Variants in DPYD observed in about 807,000 individuals in gnomAD.
DPYD encodes dihydropyrimidine dehydrogenase [NADP(+)].
In DPYD, 109 loss-of-function variants were observed where a neutral mutation model predicts 116.2. The ratio of observed to expected loss-of-function variants is 0.94; its 90% CI spans 0.80 to 1.10. The LOEUF (loss-of-function observed/expected upper bound fraction) is 1.10. Ranked by LOEUF, DPYD falls within the 50% of genes least tolerant of loss-of-function variation. The pLI, the probability that DPYD is intolerant of heterozygous loss-of-function variation, is 0.00. For synonymous variants in DPYD, 440 were observed against 432.0 expected (o/e 1.02, Z -0.23); for missense variants, 1,302 against 1,254.5 (o/e 1.04, Z -0.57).
At chr1:97,828,496 C>A (rs1305157503) in intron 2 of DPYD, among the ~76,000 whole-genome samples, 1 of 152,078 alleles carries the variant, frequency 6.6e-6, no homozygotes, top group African/African-American at 2.4e-5. Flanking sequence ...AGGAAAACTT[C>A]TTAAGTTTGG....
At chr1:97,414,019 C>G (rs1456882144) in intron 14 of DPYD, among the ~76,000 whole-genome samples, 1 of 152,044 alleles carries the variant, frequency 6.6e-6, no homozygotes, top group Non-Finnish European at 1.5e-5. Flanking sequence ...TACATATGCA[C>G]TTTTCCTTCA....
intron 8 of DPYD, among the ~76,000 whole-genome samples, chr1:97,678,140 TA>T (rs1660244299): frequency 6.6e-6 from 1 of 152,158 alleles, no homozygotes; most frequent in African/African-American, 2.4e-5. Flanking sequence ...CCACCTCAGA[TA>T]ATCAGGCATT....
chr1:97,302,580 A>G (rs963260038), intron 18 of DPYD, among the ~76,000 whole-genome samples: 3 of 151,962 alleles, frequency 2.0e-5, no homozygotes, highest in Non-Finnish European at 4.4e-5. Flanking sequence ...GTAACTTTTA[A>G]GCTACAGCAG....
intron 3 of DPYD, among the ~76,000 whole-genome samples, chr1:97,748,632 C>T (rs1005462705): frequency 6.6e-6 from 1 of 152,040 alleles, no homozygotes; most frequent in Non-Finnish European, 1.5e-5. Flanking sequence ...AAACAAAAGA[C>T]TATAATTCAT....
At chr1:97,204,008 C>T (rs1219705493) in intron 19 of DPYD, among the ~76,000 whole-genome samples, 1 of 151,812 alleles carries the variant, frequency 6.6e-6, no homozygotes, top group Non-Finnish European at 1.5e-5. Context: ...GACTGAGTTG[C>T]CAATATATTC....
chr1:97,685,325 G>A (rs1660658490), intron 7 of DPYD, among the ~76,000 whole-genome samples: 1 of 152,044 alleles, frequency 6.6e-6, no homozygotes, highest in South Asian at 2.1e-4. Context: ...AATAAACTAG[G>A]TATTGATGAA....
chr1:97,883,046 GT>G (rs1672307169), intron 2 of DPYD, among the ~76,000 whole-genome samples: 1 of 151,898 alleles, frequency 6.6e-6, no homozygotes, highest in Non-Finnish European at 1.5e-5. Flanking sequence ...TCAGATTTGG[GT>G]TACTCAACCT....
chr1:97,648,714 C>T (rs182017358), intron 8 of DPYD, among the ~76,000 whole-genome samples: 10 of 152,046 alleles, frequency 6.6e-5, no homozygotes, highest in South Asian at 2.1e-4. Flanking sequence ...TAAGCATTTT[C>T]GCTGTGTGAA....
intron 16 of DPYD, among the ~76,000 whole-genome samples, chr1:97,358,391 G>A (rs1364539167): frequency 6.6e-6 from 1 of 152,208 alleles, no homozygotes; most frequent in Non-Finnish European, 1.5e-5. Context: ...CTGAACAAAA[G>A]GCAGCAGAAA....
chr1:97,769,480 T>C (rs1333957662), intron 3 of DPYD, among the ~76,000 whole-genome samples: 2 of 152,162 alleles, frequency 1.3e-5, no homozygotes, highest in African/African-American at 4.8e-5. Flanking sequence ...AATTATAAGA[T>C]GATTTGTGGT....
chr1:97,727,880 G>A (rs1239880202), intron 4 of DPYD, among the ~76,000 whole-genome samples: 1 of 151,898 alleles, frequency 6.6e-6, no homozygotes, highest in African/African-American at 2.4e-5. Context: ...TAAGAGGTTT[G>A]ATTTCTGTTC....
At chr1:97,638,340 C>A (rs1032679901) in intron 8 of DPYD, among the ~76,000 whole-genome samples, 13 of 152,056 alleles carry the variant, frequency 8.5e-5, no homozygotes, top group Admixed American at 8.5e-4. Context: ...CCCTGGGAAG[C>A]CATGCCTGAC....
At chr1:97,352,232 G>C (rs183803567) in intron 16 of DPYD, among the ~76,000 whole-genome samples, 2 of 152,308 alleles carry the variant, frequency 1.3e-5, no homozygotes, top group African/African-American at 4.8e-5. Flanking sequence ...TCCACACAAA[G>C]AGGAAAGAAA....
intron 16 of DPYD, among the ~76,000 whole-genome samples, chr1:97,323,295 T>TACATGTACAC (rs1668432180): frequency 6.7e-6 from 1 of 149,060 alleles, no homozygotes; most frequent in African/African-American, 2.5e-5. Context: ...TATACATATG[T>TACATGTACAC]GTATATGTAC....
chr1:97,345,478 C>T (rs909884637), intron 16 of DPYD, among the ~76,000 whole-genome samples: 1 of 151,820 alleles, frequency 6.6e-6, no homozygotes, highest in African/African-American at 2.4e-5. Flanking sequence ...ATCCTTTCAC[C>T]AAGCAAAATT....
chr1:97,903,458 A>G (rs894396410), intron 1 of DPYD, among the ~76,000 whole-genome samples: 2 of 151,870 alleles, frequency 1.3e-5, no homozygotes, highest in Non-Finnish European at 2.9e-5. Flanking sequence ...TCAATTCCAA[A>G]TTTGAGTTTT....
At chr1:97,849,738 C>T (rs1670482907) in intron 2 of DPYD, among the ~76,000 whole-genome samples, 1 of 152,146 alleles carries the variant, frequency 6.6e-6, no homozygotes, top group Non-Finnish European at 1.5e-5. Flanking sequence ...GTTTGCCACA[C>T]TTGCCATTCA....
At chr1:97,829,924 G>A (rs1258475296) in intron 2 of DPYD, among the ~76,000 whole-genome samples, 8 of 151,064 alleles carry the variant, frequency 5.3e-5, no homozygotes, top group African/African-American at 9.7e-5. Flanking sequence ...ACAGGCTCCA[G>A]TGTGGGATGT....
At chr1:97,521,506 G>A (rs776247193) in intron 12 of DPYD, among the ~76,000 whole-genome samples, 21 of 152,240 alleles carry the variant, frequency 1.4e-4, no homozygotes, top group Non-Finnish European at 2.1e-4. Flanking sequence ...CAGATTCAAT[G>A]CTATCCCAAT....
Sources: gnomAD v4.1 joint callset for allele counts (sites outside exome capture counted in the v4.1 genomes callset) on GRCh38, gnomAD v4.1.1 for gene constraint, MANE v1.5 for transcripts, NCBI Gene and HGNC (gene_info 2026-07-23, HGNC 2026-07-21) for gene names.